The following PLEK variants were observed in gnomAD, a reference collection of about 807,000 sequenced individuals.
PLEK encodes platelet 47 kDa protein.
In PLEK, 25 loss-of-function variants were observed where a neutral mutation model predicts 43.9. The ratio of observed to expected loss-of-function variants is 0.57; its 90% CI spans 0.41 to 0.79. The LOEUF (loss-of-function observed/expected upper bound fraction) is 0.79, where lower values mean the gene tolerates loss of function less well. Among genes scored for constraint, PLEK ranks in the 30% least tolerant of loss-of-function variants. PLEK has a pLI of 0.00. For synonymous variants in PLEK, 152 were observed against 144.4 expected (o/e 1.05, Z -0.38); for missense variants, 396 against 413.3 (o/e 0.96, Z 0.36).
intron 8 of PLEK, 49 bp downstream of exon 8, chr2:68,394,225 C>T: frequency 9.6e-7 from 1 of 1,037,870 alleles, no homozygotes; most frequent in Non-Finnish European, 1.5e-6. Flanking sequence ...AGACTCCCCT[C>T]CCACACCTGG....
chr2:68,373,148 G>A (rs1191749472), intron 1 of PLEK, among the ~76,000 whole-genome samples: 1 of 152,130 alleles, frequency 6.6e-6, no homozygotes, highest in Non-Finnish European at 1.5e-5. Flanking sequence ...GTCAAGGAGA[G>A]GTGCTGCCAG....
intron 4 of PLEK, among the ~76,000 whole-genome samples, chr2:68,385,659 C>A (rs1018049095): frequency 1.3e-5 from 2 of 152,092 alleles, no homozygotes; most frequent in African/African-American, 4.8e-5. Context: ...CACTGCTGCC[C>A]CCTCAGCTTG....
Position 68,396,015 on chromosome 2 carries a change from C to A in PLEK, c.*199C>A, listed in dbSNP as rs11891290. ...GTATTGCTCACTGCAGCCCCTCTGCCCCTATCCATGACCCCCAAGCAGATA... is the reference window on the plus strand; with the variant it reads ...GTATTGCTCACTGCAGCCCCTCTGCACCTATCCATGACCCCCAAGCAGATA... On this transcript the variant is annotated 3_prime_UTR_variant, in exon 9 of 9. Coordinates refer to ENST00000234313, the MANE Select transcript of PLEK (RefSeq NM_002664.3). 3.5e-6 allele frequency: 2 copies of A among 564,196 alleles called. No individual in the cohort carries two copies. Among genetic ancestry groups the A allele is most frequent in the East Asian group, 2.9e-5 (1 of 34,476 alleles). The allele number at this position is 564,196 out of a possible 1,614,324, so 34.9% of individuals were successfully genotyped here.
rs527313389 is a variant in PLEK at position 68,372,711 on chromosome 2, A to G, written c.42+7318A>G. Among the ~76,000 whole-genome samples the G allele has an allele frequency of 2.2e-3, 342 of 152,280 alleles. 1 individual carries two copies. Among genetic ancestry groups the G allele is most frequent in the Non-Finnish European group, 4.0e-3 (274 of 68,020 alleles). On this transcript the variant is annotated intron_variant, in intron 1 of 8. Transcript: ENST00000234313. ...CACACACATGCACACACACACACAGACACACATACACACAGCATATGGATA... is the reference window on the plus strand; with the variant it reads ...CACACACATGCACACACACACACAGGCACACATACACACAGCATATGGATA...
At chr2:68,380,644 G>A (rs1673594425) in intron 2 of PLEK, 79 bp from the exon 3 acceptor site, 3 of 1,487,856 alleles carry the variant, frequency 2.0e-6, no homozygotes, top group Non-Finnish European at 2.8e-6. Context: ...AAGAGGTTTA[G>A]GCCAATGGCC....
At chr2:68,367,338 A>AGC (rs1673298973) in intron 1 of PLEK, among the ~76,000 whole-genome samples, 1 of 152,012 alleles carries the variant, frequency 6.6e-6, no homozygotes, top group South Asian at 2.1e-4. Flanking sequence ...CTCCTGTGAC[A>AGC]GGCGTTTGTT....
chr2:68,375,526 T>A (rs547910404), intron 1 of PLEK, among the ~76,000 whole-genome samples: 1 of 152,340 alleles, frequency 6.6e-6, no homozygotes, highest in Admixed American at 6.5e-5. Context: ...TAATCCAGTG[T>A]TCGTCTGGAA....
At chr2:68,368,433 C>T (rs72892060) in intron 1 of PLEK, among the ~76,000 whole-genome samples, 3,528 of 152,284 alleles carry the variant, frequency 0.023, 69 homozygotes, top group Admixed American at 0.069. Flanking sequence ...AAGAGGATGA[C>T]CTGGGATTCA....
chr2:68,379,963 A>C (rs1264858085), intron 1 of PLEK, among the ~76,000 whole-genome samples: 1 of 152,206 alleles, frequency 6.6e-6, no homozygotes, highest in Admixed American at 6.5e-5. Context: ...ATCAGTGAGA[A>C]AAGCAGGAGG....
At chr2:68,376,716 C>A (rs1056217914) in intron 1 of PLEK, among the ~76,000 whole-genome samples, 8 of 152,052 alleles carry the variant, frequency 5.3e-5, no homozygotes, top group Non-Finnish European at 8.8e-5. Flanking sequence ...AATAATAACA[C>A]CATGGAGAAT....
At chr2:68,395,132 A>G (rs146835079) in intron 8 of PLEK, among the ~76,000 whole-genome samples, 2 of 152,038 alleles carry the variant, frequency 1.3e-5, no homozygotes, top group African/African-American at 2.4e-5. Flanking sequence ...AGTTCAGGCT[A>G]TAACTTGTGG....
chr2:68,385,366 A>G (rs1161924119), intron 4 of PLEK, among the ~76,000 whole-genome samples: 1 of 152,214 alleles, frequency 6.6e-6, no homozygotes. Context: ...TCTTGACCAG[A>G]AGATTGCTTA....
intron 3 of PLEK, among the ~76,000 whole-genome samples, chr2:68,381,705 T>C (rs1673621553): frequency 6.6e-6 from 1 of 152,228 alleles, no homozygotes; most frequent in Non-Finnish European, 1.5e-5. Context: ...CCTTCTGCAC[T>C]TCTGCATGAC....
intron 7 of PLEK, 126 bp from the exon 8 acceptor site, chr2:68,393,981 C>G: frequency 5.9e-6 from 4 of 673,166 alleles, no homozygotes; most frequent in Non-Finnish European, 1.1e-5. Flanking sequence ...TAATCTCCTT[C>G]TGCTCTTACT....
At chr2:68,366,279 C>T (rs965030946) in intron 1 of PLEK, among the ~76,000 whole-genome samples, 16 of 152,236 alleles carry the variant, frequency 1.1e-4, no homozygotes, top group African/African-American at 3.4e-4. Context: ...GAATGTGAGT[C>T]TGTTTTAGGC....
chr2:68,386,156 G>A (rs1673737926), intron 4 of PLEK, among the ~76,000 whole-genome samples: 1 of 149,028 alleles, frequency 6.7e-6, no homozygotes, highest in Non-Finnish European at 1.5e-5. Flanking sequence ...TTTTTGAGAT[G>A]GAGTCTTGTT....
chr2:68,365,595 T>A, intron 1 of PLEK: 1 of 526,024 alleles, frequency 1.9e-6, no homozygotes, highest in South Asian at 2.0e-5. Flanking sequence ...TTCCTTACAG[T>A]TTGATATTAC....
intron 1 of PLEK, among the ~76,000 whole-genome samples, chr2:68,365,868 ATCT>A (rs1673261592): frequency 6.6e-6 from 1 of 152,088 alleles, no homozygotes; most frequent in African/African-American, 2.4e-5. Context: ...TTCTTGGGCC[ATCT>A]TCTTGGAATT....
rs781303299 is a variant in PLEK at position 68,395,696 on chromosome 2, A to G, written c.933A>G (p.Glu311=). ...ESNSNGRKSE[E]ENLFEIITAD... is the part of the protein sequence containing the mutation. ...TTTCCCCAGGCAGGAAGAGTGAGGAAGAGAACCTTTTTGAGATCATCACAG... is the reference window on the plus strand; with the variant it reads ...TTTCCCCAGGCAGGAAGAGTGAGGAGGAGAACCTTTTTGAGATCATCACAG... Residue 311 remains glutamate, a synonymous_variant, in exon 9 of 9, where the codon GAA becomes GAG. Coordinates refer to ENST00000234313, the MANE Select transcript of PLEK (RefSeq NM_002664.3). 15 of 1,613,976 alleles carry G rather than the reference A, an allele frequency of 9.3e-6. No individual in the cohort carries two copies. The South Asian group carries it at 1.5e-4, about 17-fold the overall frequency.
Sources: allele counts gnomAD v4.1 joint callset (sites outside exome capture counted in the v4.1 genomes callset), GRCh38; gene constraint gnomAD v4.1.1; transcripts MANE v1.5; gene names NCBI Gene and HGNC (gene_info 2026-07-23, HGNC 2026-07-21).